Variants in RAD54B observed in about 807,000 individuals in gnomAD.
RAD54B encodes the protein DNA repair and recombination protein RAD54B.
A neutral mutation model predicts 95.8 loss-of-function variants in RAD54B; 78 were observed. That is an observed-to-expected ratio of 0.81 (90% confidence interval 0.68 to 0.98). The LOEUF (loss-of-function observed/expected upper bound fraction) is 0.98. Among genes scored for constraint, RAD54B ranks in the 50% least tolerant of loss-of-function variants. RAD54B has a pLI of 0.00. For synonymous variants in RAD54B, 328 were observed against 354.9 expected (o/e 0.92, Z 0.85); for missense variants, 957 against 1,056.6 (o/e 0.91, Z 1.31).
In RAD54B at chr8:94,392,532, G is replaced by A. The variant is rs370283802; in HGVS notation, c.1519-633C>T. Among the ~76,000 whole-genome samples, 11 of 152,264 alleles carry A rather than the reference G, an allele frequency of 7.2e-5. No individual in the cohort carries two copies. In the East Asian group the frequency reaches 1.4e-3, roughly 19 times the overall value. On this transcript the variant is annotated intron_variant, in intron 9 of 14. Transcript: ENST00000336148. ...CTGCCTCAGCCTCCCAAAGTGCTGG[G>A]ATTACAGGCATGAGCCACTGTGCCC...
At chr8:94,414,414 A>C (rs949236108) in intron 3 of RAD54B, among the ~76,000 whole-genome samples, 3 of 152,162 alleles carry the variant, frequency 2.0e-5, no homozygotes, top group African/African-American at 7.2e-5. Context: ...TGGTTTTCAA[A>C]GGGAATGCTT....
At chr8:94,428,384 G>GACA in intron 3 of RAD54B, 4 of 916,864 alleles carry the variant, frequency 4.4e-6, no homozygotes, top group Non-Finnish European at 5.2e-6. Flanking sequence ...AAGGGGGATT[G>GACA]GTTTCAGGAC....
At chr8:94,407,048 G>T (rs1053609924) in intron 5 of RAD54B, among the ~76,000 whole-genome samples, 2 of 152,064 alleles carry the variant, frequency 1.3e-5, no homozygotes, top group African/African-American at 4.8e-5. Flanking sequence ...TAATGCTTGT[G>T]ATCAAGGCAT....
intron 2 of RAD54B, among the ~76,000 whole-genome samples, chr8:94,461,116 C>T (rs1468584093): frequency 4.8e-5 from 7 of 146,052 alleles, no homozygotes; most frequent in Non-Finnish European, 9.0e-5. Context: ...TAAATAGAAA[C>T]TCACAATAAT....
chr8:94,438,901 G>A (rs558589052), intron 3 of RAD54B, among the ~76,000 whole-genome samples: 3 of 152,210 alleles, frequency 2.0e-5, no homozygotes, highest in Non-Finnish European at 2.9e-5. Context: ...AGACCAGACC[G>A]GGCAACATGG....
intron 5 of RAD54B, among the ~76,000 whole-genome samples, chr8:94,404,718 T>A (rs891589674): frequency 4.6e-5 from 7 of 152,214 alleles, no homozygotes; most frequent in Non-Finnish European, 7.3e-5. Context: ...TCATTACTCC[T>A]ATTAATTAGA....
intron 6 of RAD54B, among the ~76,000 whole-genome samples, chr8:94,403,669 TC>T (rs1018221748): frequency 3.0e-4 from 45 of 150,578 alleles, no homozygotes; most frequent in African/African-American, 1.0e-3. Flanking sequence ...ATAGTAAGAC[TC>T]CGTCTCCAAA....
intron 3 of RAD54B, among the ~76,000 whole-genome samples, chr8:94,425,229 CT>C (rs34018801): frequency 0.23 from 26,980 of 114,926 alleles, 3,392 homozygotes; most frequent in East Asian, 0.43. Flanking sequence ...CTTTAATATT[CT>C]TTTTTTTTTT....
At chr8:94,421,213 C>T (rs1811801024) in intron 3 of RAD54B, among the ~76,000 whole-genome samples, 2 of 152,134 alleles carry the variant, frequency 1.3e-5, no homozygotes, top group Non-Finnish European at 2.9e-5. Context: ...TGTTTTTAGT[C>T]CTAATCAAAG....
chr8:94,412,000 G>A (rs1489713592), intron 3 of RAD54B, among the ~76,000 whole-genome samples: 1 of 151,794 alleles, frequency 6.6e-6, no homozygotes, highest in South Asian at 2.1e-4. Flanking sequence ...CTGAAATTTC[G>A]GATCCTTTGA....
chr8:94,392,809 T>C (rs1023677890), intron 9 of RAD54B, among the ~76,000 whole-genome samples: 2 of 133,794 alleles, frequency 1.5e-5, no homozygotes, highest in Non-Finnish European at 3.1e-5. Flanking sequence ...GGTCACCCTA[T>C]ACCCTATAGC....
chr8:94,402,717 G>A (rs1316329937), intron 6 of RAD54B, among the ~76,000 whole-genome samples: 1 of 152,094 alleles, frequency 6.6e-6, no homozygotes, highest in African/African-American at 2.4e-5. Context: ...TTAAATAAGG[G>A]AATGCCATGT....
At position 94,387,198 on chromosome 8, in the gene RAD54B, G is replaced by C. The variant is rs1449983709; in HGVS notation, c.1810-39C>G. ...TGATTGTTAATGCTGGCTCAAGTTTGTTTTTTTAATTAGGAGGGGAAAATG... is the reference window on the plus strand; with the variant it reads ...TGATTGTTAATGCTGGCTCAAGTTTCTTTTTTTAATTAGGAGGGGAAAATG... On this transcript the variant is annotated intron_variant, in intron 10 of 14. Transcript: ENST00000336148. The C allele has an allele frequency of 2.0e-6, 3 of 1,481,704 alleles. No individual in the cohort carries two copies. In the African/African-American group the frequency reaches 4.3e-5, roughly 21 times the overall value. 91.8% of individuals were successfully genotyped at this position (1,481,704 alleles called of 1,614,324 possible).
intron 3 of RAD54B, among the ~76,000 whole-genome samples, chr8:94,444,267 T>G (rs1812466785): frequency 6.6e-6 from 1 of 152,176 alleles, no homozygotes; most frequent in Admixed American, 6.5e-5. Context: ...ACACTAATGA[T>G]GGCAGTCATT....
chr8:94,434,718 A>ATATATT (rs1812209001), intron 3 of RAD54B, among the ~76,000 whole-genome samples: 1 of 151,640 alleles, frequency 6.6e-6, no homozygotes. Context: ...TAAAGAAATA[A>ATATATT]GCTAATACAG....
In RAD54B at chr8:94,467,398, G is replaced by T. The variant is rs2130200212; in HGVS notation, c.135+7C>A. 2 of 1,586,906 alleles carry T rather than the reference G, an allele frequency of 1.3e-6. No homozygotes were observed. Among genetic ancestry groups the T allele is most frequent in the Admixed American group, 1.8e-5 (1 of 55,452 alleles). On this transcript the variant is annotated splice_region_variant and intron_variant, in intron 2 of 14. Transcript: ENST00000336148. ...TTATCTATATCATGAGTCTTTTTTTGCCTTACCTCAAATAATTTTATATCT... is the reference window on the plus strand; with the variant it reads ...TTATCTATATCATGAGTCTTTTTTTTCCTTACCTCAAATAATTTTATATCT...
At chr8:94,393,912 C>A in intron 8 of RAD54B, 30 bp from the exon 9 acceptor site, 1 of 1,550,216 alleles carries the variant, frequency 6.5e-7, no homozygotes, top group South Asian at 1.2e-5. Context: ...AGTAAAAGGT[C>A]AAGTTTGTGT....
At chr8:94,397,867 T>C (rs560867473) in intron 8 of RAD54B, among the ~76,000 whole-genome samples, 44 of 152,208 alleles carry the variant, frequency 2.9e-4, no homozygotes, top group Admixed American at 1.3e-3. Context: ...AACTCAGTGT[T>C]ACTAAATTCA....
At chr8:94,372,511 TAAAAC>T in intron 14 of RAD54B, 124 bp from the exon 15 acceptor site, 1 of 1,444,610 alleles carries the variant, frequency 6.9e-7, no homozygotes, top group East Asian at 2.5e-5. Flanking sequence ...TGGTTCAAGT[TAAAAC>T]AAATTCATTC....
Sources: allele counts gnomAD v4.1 joint callset (sites outside exome capture counted in the v4.1 genomes callset), GRCh38; gene constraint gnomAD v4.1.1; transcripts MANE v1.5; gene names NCBI Gene and HGNC (gene_info 2026-07-23, HGNC 2026-07-21).